Variants in ZNF532 observed in about 807,000 individuals in gnomAD.
The protein encoded by ZNF532 is zinc finger protein 532.
In ZNF532, 22 loss-of-function variants were observed where a neutral mutation model predicts 89.3. The ratio of observed to expected loss-of-function variants is 0.25; its 90% CI spans 0.18 to 0.35. The LOEUF (loss-of-function observed/expected upper bound fraction) is 0.35. Ranked by LOEUF, ZNF532 falls within the 10% of genes least tolerant of loss-of-function variation. ZNF532 has a pLI of 1.00. For synonymous variants in ZNF532, 606 were observed against 649.6 expected (o/e 0.93, Z 1.02); for missense variants, 1,132 against 1,643.4 (o/e 0.69, Z 5.38).
At chr18:58,916,373 T>C (rs1399625156) in intron 2 of ZNF532, among the ~76,000 whole-genome samples, 4 of 152,242 alleles carry the variant, frequency 2.6e-5, no homozygotes, top group African/African-American at 7.2e-5. Context: ...GACTTTCCAC[T>C]GAATCTGACT....
chr18:58,907,330 C>T (rs540101324), intron 2 of ZNF532, among the ~76,000 whole-genome samples: 5 of 152,006 alleles, frequency 3.3e-5, no homozygotes, highest in South Asian at 2.1e-4. Context: ...GGATTACAGA[C>T]GCGTGCCACC....
chr18:58,913,543 G>A (rs564262406), intron 2 of ZNF532, among the ~76,000 whole-genome samples: 1 of 152,108 alleles, frequency 6.6e-6, no homozygotes, highest in South Asian at 2.1e-4. Flanking sequence ...TTGAGCTCAG[G>A]AGTTCGAGAC....
chr18:58,918,310 C>A lies in ZNF532; in HGVS notation c.23C>A (p.Thr8Asn), dbSNP rs1387607738. The change falls in exon 3 of 10, where the codon ACC (threonine) becomes AAC (asparagine). Residue 8 changes from threonine (T) to asparagine (N), a missense_variant. Physicochemically the swap from Thr to Asn is moderately conservative, Grantham distance 65. Around this residue, in one of 9 missense-constraint regions of ZNF532, gnomAD observed 15 missense variants for 43.6 expected, o/e 0.34. Transcript: ENST00000591808. ...TTAATGACCATGGGGGATATGAAGA[C>A]CCCAGACTTTGATGACCTCCTGGCA... MTMGDMK[T>N]PDFDDLLAAF... The A allele has an allele frequency of 1.2e-6, 2 of 1,613,902 alleles. No individual in the cohort carries two copies. The highest frequency in any genetic ancestry group is 8.5e-7 in the Non-Finnish European group (1 of 1,179,912).
In ZNF532 at chr18:58,919,203, G is replaced by A; in HGVS notation, c.916G>A (p.Asp306Asn). ...CTCCCCGTTACCAAAAGAAGTAAAT[G>A]ACAGTCCGAGAGCCGCTGACAAGTC... ...ESSPLPKEVNDSPRAADKSPE... is the reference protein window; with the variant it reads ...ESSPLPKEVNNSPRAADKSPE... The change falls in exon 3 of 10, where the codon GAC (aspartate) becomes AAC (asparagine). Residue 306 changes from aspartate (D) to asparagine (N), a missense_variant. This residue lies in a region of ZNF532 where 124 missense variants were observed against 191.6 expected (regional missense o/e 0.65). Coordinates refer to ENST00000591808, the MANE Select transcript of ZNF532 (RefSeq NM_001375912.1). This position sits in a 1 kb window ranked among gnomAD's most constrained non-coding sequence, Gnocchi z 6.1. The A allele has an allele frequency of 1.9e-6, 3 of 1,614,074 alleles. No individual in the cohort carries two copies. In the South Asian group the frequency reaches 3.3e-5, roughly 18 times the overall value.
At chr18:58,914,674 C>T (rs1019159102) in intron 2 of ZNF532, among the ~76,000 whole-genome samples, 6 of 151,908 alleles carry the variant, frequency 3.9e-5, no homozygotes, top group Non-Finnish European at 5.9e-5. Flanking sequence ...AGCAAGACTC[C>T]GTCTCGGAAA....
intron 2 of ZNF532, among the ~76,000 whole-genome samples, chr18:58,888,778 TATATATAAA>T (rs1166192895): frequency 8.8e-5 from 5 of 56,860 alleles, no homozygotes; most frequent in South Asian, 5.7e-4. Context: ...ATAATTTATA[TATATATAAA>T]ATATATATAA....
chr18:58,971,504 G>C (rs188459329), intron 7 of ZNF532, among the ~76,000 whole-genome samples: 17 of 152,216 alleles, frequency 1.1e-4, no homozygotes, highest in Admixed American at 7.8e-4. Context: ...AATTATTATC[G>C]TCTATTCTTG....
intron 3 of ZNF532, among the ~76,000 whole-genome samples, chr18:58,928,090 C>A (rs932644390): frequency 6.6e-6 from 1 of 152,064 alleles, no homozygotes; most frequent in Non-Finnish European, 1.5e-5. Flanking sequence ...CCCTTGTTAT[C>A]ATTTTCTATT....
At chr18:58,879,759 T>C (rs992793290) in intron 2 of ZNF532, among the ~76,000 whole-genome samples, 1 of 152,118 alleles carries the variant, frequency 6.6e-6, no homozygotes, top group African/African-American at 2.4e-5. Flanking sequence ...TGGCCAACGA[T>C]TGTTTTTTTC....
At chr18:58,904,692 G>A (rs188892968) in intron 2 of ZNF532, among the ~76,000 whole-genome samples, 13 of 152,142 alleles carry the variant, frequency 8.5e-5, no homozygotes, top group African/African-American at 1.2e-4. Flanking sequence ...GTTGTGTTGC[G>A]TACCATTGGC....
At chr18:58,867,334 A>G (rs2056565044) in intron 2 of ZNF532, among the ~76,000 whole-genome samples, 1 of 152,096 alleles carries the variant, frequency 6.6e-6, no homozygotes, top group Non-Finnish European at 1.5e-5. Flanking sequence ...TCTCCTGAAG[A>G]TAGCATTTGT....
rs2064457871 is a variant in ZNF532, at chr18:58,953,725, A to G, written c.3076A>G (p.Thr1026Ala). Residue 1026 changes from threonine to alanine, a missense_variant, in exon 7 of 10, where the codon ACG (threonine) becomes GCG (alanine). By Grantham distance (58) the Thr-to-Ala change is moderately conservative (BLOSUM62 0). This residue lies in a region of ZNF532 where 415 missense variants were observed against 604.8 expected (regional missense o/e 0.69). Coordinates refer to ENST00000591808, the MANE Select transcript of ZNF532 (RefSeq NM_001375912.1). ...CAAGAAAGTGGCCAGTCCTGGGTGG[A>G]CGTGTTGGGAGTGTGACTGCCTGTT... is the stretch of plus-strand genomic sequence containing the variant. ...ETKKVASPGW[T>A]CWECDCLFMQ... 6.2e-7 allele frequency: 1 copy of G among 1,614,080 alleles called. No individual in the cohort carries two copies. Among genetic ancestry groups the G allele is most frequent in the Non-Finnish European group, 8.5e-7 (1 of 1,179,954 alleles).
chr18:58,914,354 T>G (rs2060460519), intron 2 of ZNF532, among the ~76,000 whole-genome samples: 1 of 152,228 alleles, frequency 6.6e-6, no homozygotes, highest in Non-Finnish European at 1.5e-5. Context: ...TATTAGTGAA[T>G]TATAGGTCAT....
At chr18:58,930,452 C>G (rs563884085) in intron 3 of ZNF532, among the ~76,000 whole-genome samples, 1 of 152,132 alleles carries the variant, frequency 6.6e-6, no homozygotes, top group African/African-American at 2.4e-5. Context: ...CATAGTGAAA[C>G]CCTGTCTCTA....
intron 5 of ZNF532, among the ~76,000 whole-genome samples, chr18:58,944,541 G>GTTC: frequency 6.6e-6 from 1 of 152,202 alleles, no homozygotes; most frequent in East Asian, 1.9e-4. Context: ...CTACACTGGG[G>GTTC]TTCTCACTGT....
intron 7 of ZNF532, among the ~76,000 whole-genome samples, chr18:58,972,975 T>TG (rs1262459386): frequency 6.6e-6 from 1 of 152,216 alleles, no homozygotes; most frequent in African/African-American, 2.4e-5. Flanking sequence ...AAGGAGCTTA[T>TG]GGGGGAGGGA....
intron 8 of ZNF532, chr18:58,981,226 G>C (rs2067730822): frequency 4.1e-6 from 2 of 488,636 alleles, no homozygotes; most frequent in East Asian, 7.8e-5. Flanking sequence ...AGAGAATACT[G>C]AGTCATTGTG....
At chr18:58,949,619 T>C (rs964810560) in intron 6 of ZNF532, among the ~76,000 whole-genome samples, 8 of 152,104 alleles carry the variant, frequency 5.3e-5, no homozygotes, top group Admixed American at 4.6e-4. Context: ...GAGATCTCAG[T>C]GAGCTGAGAT....
At chr18:58,873,290 G>A (rs1229718356) in intron 2 of ZNF532, among the ~76,000 whole-genome samples, 1 of 152,182 alleles carries the variant, frequency 6.6e-6, no homozygotes, top group African/African-American at 2.4e-5. Flanking sequence ...CCAAAGTGCT[G>A]AGATCAGAGG....
Sources: allele counts gnomAD v4.1 joint callset (sites outside exome capture counted in the v4.1 genomes callset), GRCh38; gene constraint gnomAD v4.1.1; regional missense constraint gnomAD v4.1.1; non-coding constraint Gnocchi (gnomAD v3.1); transcripts MANE v1.5; gene names NCBI Gene and HGNC (gene_info 2026-07-23, HGNC 2026-07-21).